Variants in CDHR1 observed in about 807,000 individuals in gnomAD.
CDHR1 encodes cadherin related family member 1.
A neutral mutation model predicts 72.1 loss-of-function variants in CDHR1; 61 were observed. The observed-to-expected ratio is 0.85, with a 90% CI of 0.69 to 1.05. The LOEUF (loss-of-function observed/expected upper bound fraction) is 1.05. CDHR1 is among the 50% of genes least tolerant of loss of function. The probability of loss-of-function intolerance (pLI) is 0.00; values close to 1 mark genes in which losing one functional copy is unlikely to be tolerated. For missense variants in CDHR1, 1,186 were observed against 1,115.7 expected (o/e 1.06, Z -0.90); for synonymous variants, 470 against 448.1 (o/e 1.05, Z -0.62).
intron 4 of CDHR1, 97 bp downstream of exon 4, chr10:84,197,933 T>C: frequency 8.3e-7 from 1 of 1,203,166 alleles, no homozygotes; most frequent in African/African-American, 1.5e-5. Flanking sequence ...TCATGGGGGC[T>C]TTTCTGCAAG....
At position 84,217,049 on chromosome 10, in the gene CDHR1, G is replaced by A. The variant is rs886047347; in HGVS notation, c.*2428G>A. The stretch of plus-strand genomic sequence containing the variant: ...TTGCAAACTGGCCATGGATGGGGAA[G>A]TGCCCGGTAGCCAGCATGAGCCACA... On this transcript the variant is annotated 3_prime_UTR_variant, in exon 17 of 17. Coordinates refer to ENST00000623527, the MANE Select transcript of CDHR1 (RefSeq NM_033100.4). The A allele has an allele frequency of 4.1e-6, 4 of 985,670 alleles. No individual in the cohort carries two copies. Among genetic ancestry groups the A allele is most frequent in the Non-Finnish European group, 4.8e-6 (4 of 830,096 alleles). The allele number at this position is 985,670 out of a possible 1,614,324, so 61.1% of individuals were successfully genotyped here. A position where few individuals can be genotyped will look rare whatever the true frequency, so the allele number is the denominator to read the frequency against.
rs754659208 is a variant in CDHR1 at position 84,211,018 on chromosome 10, G to C, written c.1338G>C (p.Val446=). The change falls in exon 13 of 17, where the codon GTG becomes GTC. Residue 446 remains valine, a synonymous_variant. Coordinates refer to ENST00000623527, the MANE Select transcript of CDHR1 (RefSeq NM_033100.4). ...VLTFKLLAVE[V]NTPEKFSSTA... is the part of the protein sequence containing the mutation. ...CTTCCCAGCTCCTGGCTGTTGAAGT[G>C]AACACCCCAGAGAAGTTCAGTTCCA... 2 of 1,614,228 alleles carry C rather than the reference G, an allele frequency of 1.2e-6. No individual in the cohort carries two copies. The highest frequency in any genetic ancestry group is 1.7e-6 in the Non-Finnish European group (2 of 1,180,042).
In CDHR1 at chr10:84,211,154, G is replaced by A; in HGVS notation, c.1474G>A (p.Val492Met). The change falls in exon 13 of 17, where the codon GTG becomes ATG. Residue 492 changes from valine to methionine, a missense_variant. By Grantham distance (21) the Val-to-Met change is conservative (BLOSUM62 1). Transcript: ENST00000623527. ...PENAPGGSSV[V>M]AVTAVDPDTG... Reference sequence around the variant, plus strand: ...GAACGCCCCAGGGGGCTCCAGCGTGGTGGCTGTCACAGTGGGTTGGGCACT... The same window carrying A: ...GAACGCCCCAGGGGGCTCCAGCGTGATGGCTGTCACAGTGGGTTGGGCACT... The A allele has an allele frequency of 2.5e-6, 4 of 1,614,234 alleles. No homozygotes were observed. The highest frequency in any genetic ancestry group is 3.4e-6 in the Non-Finnish European group (4 of 1,180,038).
chr10:84,204,094 T>C (rs901447873), intron 8 of CDHR1, among the ~76,000 whole-genome samples: 1 of 152,128 alleles, frequency 6.6e-6, no homozygotes, highest in African/African-American at 2.4e-5. Flanking sequence ...AAATCTTAAT[T>C]CTGGGACCTC....
chr10:84,212,955 C>G (rs961089455), intron 15 of CDHR1, 136 bp from the exon 16 acceptor site: 2 of 1,163,920 alleles, frequency 1.7e-6, no homozygotes, highest in Non-Finnish European at 2.5e-6. Flanking sequence ...TGTTCCTTTC[C>G]CAACTCAATC....
chr10:84,207,837 T>C (rs1842254523), intron 10 of CDHR1, among the ~76,000 whole-genome samples: 2 of 152,142 alleles, frequency 1.3e-5, no homozygotes, highest in Non-Finnish European at 2.9e-5. Flanking sequence ...CACCCAATTA[T>C]TGGCAAGACT....
rs11596760 is a variant in CDHR1, at chr10:84,213,019, C to T, written c.1783-72C>T. On this transcript the variant is annotated intron_variant, in intron 15 of 16. Transcript: ENST00000623527. ...CATCAACCCAGCAAGCCCCATATGA[C>T]GTGCTGATTTAGCCAGAGTACACAA... The T allele has an allele frequency of 4.0e-4, 628 of 1,587,992 alleles. 1 individual carries two copies. The highest frequency in any genetic ancestry group is 4.9e-4 in the Non-Finnish European group (563 of 1,156,808).
At chr10:84,208,913 T>A in intron 12 of CDHR1, 32 bp downstream of exon 12, 1 of 1,608,478 alleles carries the variant, frequency 6.2e-7, no homozygotes, top group Non-Finnish European at 8.5e-7. Context: ...CTGCCCTGAA[T>A]GGGAGGGTCC....
rs1385820441 is a variant in CDHR1 at position 84,211,713 on chromosome 10, C to T, written c.1551C>T (p.Asp517=). The change falls in exon 14 of 17, where the codon GAC becomes GAT. Residue 517 remains aspartate (D), a splice_region_variant and synonymous_variant. Transcript: ENST00000623527. Reference sequence around the variant, plus strand: ...ATTCCACCTATGGGACTGGGGCAGACCTGTAAGTAGATCCAGAATCCAGGA... The same window carrying T: ...ATTCCACCTATGGGACTGGGGCAGATCTGTAAGTAGATCCAGAATCCAGGA... The part of the protein sequence containing the change: ...VKYSTYGTGA[D]LFLIHPSTGL... 3 of 1,613,062 alleles carry T rather than the reference C, an allele frequency of 1.9e-6. No homozygotes were observed. The highest frequency in any genetic ancestry group is 2.5e-6 in the Non-Finnish European group (3 of 1,179,026).
At chr10:84,213,392 G>A (rs2132834984) in intron 16 of CDHR1, 44 bp downstream of exon 16, 3 of 1,613,358 alleles carry the variant, frequency 1.9e-6, no homozygotes, top group South Asian at 1.1e-5. Flanking sequence ...CAGCAGGCCA[G>A]CTCAGACCTC....
At position 84,215,716 on chromosome 10, in the gene CDHR1, G is replaced by A; in HGVS notation, c.*1095G>A. On this transcript the variant is annotated 3_prime_UTR_variant, in exon 17 of 17. Coordinates refer to ENST00000623527, the MANE Select transcript of CDHR1 (RefSeq NM_033100.4). ...GTATTTTTCTGCAGCCCAGTTCTGTGGGTGCAGCTCTTCCAGAAAGTATTA... is the reference window on the plus strand; with the variant it reads ...GTATTTTTCTGCAGCCCAGTTCTGTAGGTGCAGCTCTTCCAGAAAGTATTA... The A allele has an allele frequency of 7.1e-6, 7 of 985,398 alleles. No individual in the cohort carries two copies. Among genetic ancestry groups the A allele is most frequent in the Non-Finnish European group, 8.4e-6 (7 of 829,946 alleles). 61.0% of individuals were successfully genotyped at this position (985,398 alleles called of 1,614,324 possible).
chr10:84,202,911 T>G (rs1317913429), intron 7 of CDHR1, 69 bp from the exon 8 acceptor site: 12 of 1,596,098 alleles, frequency 7.5e-6, no homozygotes, highest in African/African-American at 4.0e-5. Context: ...AGCCAGGTTT[T>G]CACGGATTCT....
rs1012857800 is a variant in CDHR1 at position 84,215,118 on chromosome 10, G to A, written c.*497G>A. 2.9e-6 allele frequency: 3 copies of A among 1,023,548 alleles called. No individual in the cohort carries two copies. The highest frequency in any genetic ancestry group is 3.5e-6 in the Non-Finnish European group (3 of 852,858). 63.4% of individuals were successfully genotyped at this position (1,023,548 alleles called of 1,614,324 possible). On this transcript the variant is annotated 3_prime_UTR_variant, in exon 17 of 17. Coordinates refer to ENST00000623527, the MANE Select transcript of CDHR1 (RefSeq NM_033100.4). ...GCACTGTCTCAGGCTGGAGGTCAGC[G>A]AACCTCGTGGGCTGTAGGAAAGCAA...
chr10:84,195,413 G>T, intron 1 of CDHR1, 81 bp from the exon 2 acceptor site: 1 of 1,322,390 alleles, frequency 7.6e-7, no homozygotes, highest in Non-Finnish European at 1.1e-6. Context: ...CCTGACGCGG[G>T]ACCGCGCTGG....
In CDHR1 at chr10:84,194,714, G is replaced by C. The variant is rs1215735341; in HGVS notation, c.-47G>C. The C allele has an allele frequency of 1.4e-6, 2 of 1,447,574 alleles. No homozygotes were observed. The highest frequency in any genetic ancestry group is 1.8e-6 in the Non-Finnish European group (2 of 1,108,860). 89.7% of individuals were successfully genotyped at this position (1,447,574 alleles called of 1,614,324 possible). On this transcript the variant is annotated 5_prime_UTR_variant, in exon 1 of 17. Transcript: ENST00000623527. ...GGCCCAGGGCATGCTCCGTGCCCCT[G>C]CGCCCGGTCTCGGCGGCGGCAGGCG...
intron 5 of CDHR1, among the ~76,000 whole-genome samples, chr10:84,199,629 G>C (rs1842087818): frequency 6.6e-6 from 1 of 152,170 alleles, no homozygotes; most frequent in Non-Finnish European, 1.5e-5. Flanking sequence ...CTGATGTTTG[G>C]ATATTTAAGG....
chr10:84,200,532 C>T, intron 5 of CDHR1, 69 bp from the exon 6 acceptor site: 1 of 1,043,376 alleles, frequency 9.6e-7, no homozygotes, highest in Non-Finnish European at 1.5e-6. Context: ...CTGCATGCCC[C>T]TATGCCTCTG....
Position 84,200,707 on chromosome 10 carries a change from A to G in CDHR1, c.525+20A>G. ...CTGCAGGTAAGGCAGGACACACAGG[A>G]CCTAACCTGGGGCTGGGCCGGAGGG... On this transcript the variant is annotated intron_variant, in intron 6 of 16. Transcript: ENST00000623527. 1.9e-6 allele frequency: 3 copies of G among 1,588,312 alleles called. No individual in the cohort carries two copies. Among genetic ancestry groups the G allele is most frequent in the Non-Finnish European group, 2.6e-6 (3 of 1,161,982 alleles).
intron 8 of CDHR1, 27 bp from the exon 9 acceptor site, chr10:84,204,500 G>A (rs893154857): frequency 6.5e-7 from 1 of 1,547,752 alleles, no homozygotes; most frequent in Non-Finnish European, 8.9e-7. Flanking sequence ...TTGCCCATCA[G>A]GCAGCGGCTG....
Sources: allele counts gnomAD v4.1 joint callset (sites outside exome capture counted in the v4.1 genomes callset), GRCh38; gene constraint gnomAD v4.1.1; transcripts MANE v1.5; gene names NCBI Gene and HGNC (gene_info 2026-07-23, HGNC 2026-07-21).